Variants in L3MBTL2 observed in about 807,000 individuals in gnomAD.
L3MBTL2 encodes the protein lethal(3)malignant brain tumor-like protein 2.
In L3MBTL2, 49 loss-of-function variants were observed where a neutral mutation model predicts 86.4. That is an observed-to-expected ratio of 0.57 (90% CI 0.45 to 0.72). L3MBTL2 has a LOEUF of 0.72. Ranked by LOEUF, L3MBTL2 falls within the 30% of genes least tolerant of loss-of-function variation. The probability of loss-of-function intolerance (pLI) is 0.00; values close to 1 mark genes in which losing one functional copy is unlikely to be tolerated. For synonymous variants in L3MBTL2, 336 were observed against 350.6 expected (o/e 0.96, Z 0.47); for missense variants, 755 against 923.7 (o/e 0.82, Z 2.37).
At chr22:41,228,914 A>G (rs575336548) in intron 15 of L3MBTL2, among the ~76,000 whole-genome samples, 1 of 152,004 alleles carries the variant, frequency 6.6e-6, no homozygotes, top group Non-Finnish European at 1.5e-5. Context: ...GCTCTGTACC[A>G]TTCAAACGGT....
In L3MBTL2 at chr22:41,224,071, G is replaced by A; in HGVS notation, c.994G>A (p.Val332Met). ...PFRQGMRLEV[V>M]DKSQVSRTRM... ...TAGGCAGGGCATGCGGCTGGAAGTG[G>A]TGGACAAGTCCCAGGTGTCACGCAC... Residue 332 changes from valine to methionine, a missense_variant, in exon 9 of 17, where the codon GTG (valine) becomes ATG (methionine). Physicochemically the swap from Val to Met is conservative, Grantham distance 21. This residue lies in a region of L3MBTL2 where 634 missense variants were observed against 748.9 expected (regional missense o/e 0.85). Transcript: ENST00000216237. The surrounding 1 kb of genome is among the most constrained non-coding windows in gnomAD (Gnocchi z 4.9). 1.2e-6 allele frequency: 2 copies of A among 1,614,200 alleles called. No individual in the cohort carries two copies. Among genetic ancestry groups the A allele is most frequent in the Non-Finnish European group, 1.7e-6 (2 of 1,180,030 alleles).
At chr22:41,228,487 C>T in intron 15 of L3MBTL2, 1 of 985,420 alleles carries the variant, frequency 1.0e-6, no homozygotes, top group South Asian at 4.7e-5. Flanking sequence ...GAGGTGGGCT[C>T]CACAGTGTGG....
intron 5 of L3MBTL2, 115 bp from the exon 6 acceptor site, chr22:41,219,300 CAGTG>C (rs1194401716): frequency 1.4e-6 from 1 of 734,512 alleles, no homozygotes; most frequent in East Asian, 2.6e-5. Context: ...GTTCTGCACA[CAGTG>C]GGTGATGTGA....
chr22:41,222,647 C>CTT (rs2031905501), intron 8 of L3MBTL2, among the ~76,000 whole-genome samples: 1 of 151,574 alleles, frequency 6.6e-6, no homozygotes, highest in African/African-American at 2.4e-5. Context: ...AGGCACGGCA[C>CTT]AGTGGCTTAC....
Position 41,224,361 on chromosome 22 carries a change from C to G in L3MBTL2, c.1174+110C>G, listed in dbSNP as rs2032042082. ...GTCAGCAGGTGGAGGTTGGCATGGC[C>G]CCCCTGCAGTGATGATACTGAGCTC... On this transcript the variant is annotated intron_variant, in intron 9 of 16. Coordinates refer to ENST00000216237, the MANE Select transcript of L3MBTL2 (RefSeq NM_031488.5). This position sits in a 1 kb window ranked among gnomAD's most constrained non-coding sequence, Gnocchi z 4.9. 1 of 769,498 alleles carries G rather than the reference C, an allele frequency of 1.3e-6. No homozygotes were observed. The highest frequency in any genetic ancestry group is 2.1e-6 in the Non-Finnish European group (1 of 474,098). The allele number at this position is 769,498 out of a possible 1,614,324, so 47.7% of individuals were successfully genotyped here. A position where few individuals can be genotyped will look rare whatever the true frequency, so the allele number is the denominator to read the frequency against.
At chr22:41,223,972 G>A (rs758566091) in intron 8 of L3MBTL2, 48 bp from the exon 9 acceptor site, 38 of 1,463,168 alleles carry the variant, frequency 2.6e-5, no homozygotes, top group Non-Finnish European at 3.4e-5. Context: ...GAGGGTGGGT[G>A]GGAAGAGCCC....
At chr22:41,213,274 G>C (rs1317880269) in intron 2 of L3MBTL2, among the ~76,000 whole-genome samples, 1 of 152,076 alleles carries the variant, frequency 6.6e-6, no homozygotes, top group Non-Finnish European at 1.5e-5. Context: ...ATATAGATGA[G>C]AAAATAGAGC....
intron 16 of L3MBTL2, chr22:41,229,876 T>A: frequency 6.5e-6 from 5 of 774,262 alleles, no homozygotes; most frequent in Non-Finnish European, 1.1e-5. Context: ...CGGCCCCTCC[T>A]CCTCCTCCAT....
rs751663168 is a variant in L3MBTL2, at chr22:41,224,235, C to T, written c.1158C>T (p.His386=). The change falls in exon 9 of 17, where the codon CAC becomes CAT. Residue 386 remains histidine (H), a synonymous_variant. Transcript: ENST00000216237. The surrounding 1 kb of genome is among the most constrained non-coding windows in gnomAD (Gnocchi z 4.9). ...HPVGWSRRVG[H]GIKMSERRSD... ...TGGGTTGGTCACGACGTGTGGGCCA[C>T]GGCATCAAGATGTCAGGTTAGCAGA... 21 of 1,611,326 alleles carry T rather than the reference C, an allele frequency of 1.3e-5. No individual in the cohort carries two copies. The highest frequency in any genetic ancestry group is 3.3e-5 in the South Asian group (3 of 91,044).
chr22:41,215,970 C>T (rs1235726885), intron 3 of L3MBTL2, among the ~76,000 whole-genome samples, 169 bp from the exon 4 acceptor site: 1 of 152,120 alleles, frequency 6.6e-6, no homozygotes, highest in Non-Finnish European at 1.5e-5. Context: ...CCCACAACCA[C>T]CCCCTGAGCT....
rs554233375 is a variant in L3MBTL2 at position 41,206,983 on chromosome 22, A to G, written c.24+1597A>G. Among the ~76,000 whole-genome samples the G allele has an allele frequency of 3.9e-5, 6 of 152,278 alleles. No homozygotes were observed. In the East Asian group the frequency reaches 5.8e-4, roughly 15 times the overall value. On this transcript the variant is annotated intron_variant, in intron 1 of 16. Transcript: ENST00000216237. ...TGCTGGAAATAGAACTAGGTTTTAC[A>G]TATCTTATCTCAATCTTCGTAAGAA...
intron 1 of L3MBTL2, among the ~76,000 whole-genome samples, chr22:41,207,247 T>C (rs1290602186): frequency 1.4e-5 from 2 of 145,604 alleles, no homozygotes; most frequent in African/African-American, 2.7e-5. Flanking sequence ...TTTTTTTTTT[T>C]TTTTTTTTTT....
chr22:41,210,146 T>A, intron 2 of L3MBTL2: 6 of 303,770 alleles, frequency 2.0e-5, no homozygotes, highest in East Asian at 1.2e-4. Flanking sequence ...CTAATTTCTT[T>A]TTTTTTTTTT....
chr22:41,206,350 G>A (rs1240604391), intron 1 of L3MBTL2, among the ~76,000 whole-genome samples: 1 of 151,776 alleles, frequency 6.6e-6, no homozygotes, highest in Non-Finnish European at 1.5e-5. Context: ...TTCCTATGTT[G>A]CCCTGGCTGG....
intron 5 of L3MBTL2, chr22:41,217,647 GAAGGGCAAGGCCCTT>G (rs1330967460): frequency 5.8e-6 from 1 of 171,896 alleles, no homozygotes; most frequent in African/African-American, 2.4e-5. Flanking sequence ...AAGCCAGAAC[GAAGGGCAAGGCCCTT>G]AGGGGCGGGG....
Position 41,230,231 on chromosome 22 carries a change from A to G in L3MBTL2, c.2098A>G (p.Lys700Glu), listed in dbSNP as rs1424748094. ...GCTGCCTGTCTCCGTCGAGAACATCAAGCAGGAAACAGACGACTGAGCCTT... is the reference window on the plus strand; with the variant it reads ...GCTGCCTGTCTCCGTCGAGAACATCGAGCAGGAAACAGACGACTGAGCCTT... ...PELPVSVENI[K>E]QETDD The change falls in exon 17 of 17, where the codon AAG becomes GAG. Residue 700 changes from lysine (K) to glutamate (E), a missense_variant. Around this residue, in one of 3 missense-constraint regions of L3MBTL2, gnomAD observed 634 missense variants for 748.9 expected, o/e 0.85. Transcript: ENST00000216237. 7 of 1,613,336 alleles carry G rather than the reference A, an allele frequency of 4.3e-6. No homozygotes were observed. The highest frequency in any genetic ancestry group is 5.9e-6 in the Non-Finnish European group (7 of 1,179,920).
In L3MBTL2 at chr22:41,224,951, G is replaced by A. The variant is rs2032079807; in HGVS notation, c.1252-16G>A. 1.2e-6 allele frequency: 2 copies of A among 1,609,882 alleles called. No individual in the cohort carries two copies. Among genetic ancestry groups the A allele is most frequent in the Non-Finnish European group, 1.7e-6 (2 of 1,176,908 alleles). On this transcript the variant is annotated splice_polypyrimidine_tract_variant and intron_variant, in intron 10 of 16. Transcript: ENST00000216237. This position sits in a 1 kb window ranked among gnomAD's most constrained non-coding sequence, Gnocchi z 4.9. Reference sequence around the variant, plus strand: ...TGGCCTGCCCAGGGAGTCCCCAGCTGTCCCATTCCTTTAAGGTACGAGCAG... The same window carrying A: ...TGGCCTGCCCAGGGAGTCCCCAGCTATCCCATTCCTTTAAGGTACGAGCAG...
At chr22:41,212,240 C>G (rs2030934391) in intron 2 of L3MBTL2, among the ~76,000 whole-genome samples, 1 of 152,070 alleles carries the variant, frequency 6.6e-6, no homozygotes, top group Admixed American at 6.6e-5. Context: ...TCTTCCAGCC[C>G]TTCTCTTAGA....
chr22:41,228,077 A>C (rs1002985810), intron 15 of L3MBTL2: 2 of 985,318 alleles, frequency 2.0e-6, no homozygotes, highest in Non-Finnish European at 2.4e-6. Context: ...CCAGACCATA[A>C]ATAGGGAGTG....
Sources: allele counts gnomAD v4.1 joint callset (sites outside exome capture counted in the v4.1 genomes callset), GRCh38; gene constraint gnomAD v4.1.1; regional missense constraint gnomAD v4.1.1; non-coding constraint Gnocchi (gnomAD v3.1); transcripts MANE v1.5; gene names NCBI Gene and HGNC (gene_info 2026-07-23, HGNC 2026-07-21).